The following NUCB2 variants were observed in gnomAD, a reference collection of about 807,000 sequenced individuals.
NUCB2 encodes nucleobindin 2.
In NUCB2, 48 loss-of-function variants were observed where a neutral mutation model predicts 57.9. The ratio of observed to expected loss-of-function variants is 0.83; its 90% CI spans 0.66 to 1.05. NUCB2 has a LOEUF of 1.05. NUCB2 is among the 50% of genes least tolerant of loss of function. The probability of loss-of-function intolerance (pLI) is 0.00; values close to 1 mark genes in which losing one functional copy is unlikely to be tolerated. For missense variants in NUCB2, 442 were observed against 476.2 expected, an observed-to-expected ratio of 0.93 and a Z score of 0.67; for synonymous variants, 139 against 152.1, an observed-to-expected ratio of 0.91 and a Z score of 0.64.
intron 11 of NUCB2, chr11:17,317,559 G>A (rs768308692): frequency 1.9e-5 from 8 of 429,726 alleles, no homozygotes; most frequent in Non-Finnish European, 3.3e-5. Context: ...ATGATACATT[G>A]AATTCAGTTG....
intron 2 of NUCB2, among the ~76,000 whole-genome samples, chr11:17,343,694 A>G (rs1382492857): frequency 6.6e-6 from 1 of 152,182 alleles, no homozygotes; most frequent in Non-Finnish European, 1.5e-5. Flanking sequence ...CATATTTACT[A>G]TGTCCTTTAA....
chr11:17,341,788 G>A (rs915725655), intron 2 of NUCB2, among the ~76,000 whole-genome samples: 2 of 151,998 alleles, frequency 1.3e-5, no homozygotes, highest in African/African-American at 4.8e-5. Flanking sequence ...TTTTTTTGTT[G>A]TGTCTCTGCC....
rs35448937 is a variant in NUCB2, at chr11:17,293,253, CAA to C, written c.1-2053_1-2052del. Among the ~76,000 whole-genome samples the C allele has an allele frequency of 2.6e-3, 273 of 105,016 alleles. 1 individual carries two copies. Among genetic ancestry groups the C allele is most frequent in the South Asian group, 0.016 (53 of 3,336 alleles). The allele number at this position is 105,016 out of a possible 152,430, so 68.9% of individuals were successfully genotyped here. ...TGGGCGATAGAGCAAGACTCTGTCT[CAA>C]AAAAAAAAAAAAAAAAAGATGTTGT... On this transcript the variant is annotated intron_variant, in intron 2 of 13. Coordinates refer to ENST00000529010, the MANE Select transcript of NUCB2 (RefSeq NM_005013.4).
intron 2 of NUCB2, among the ~76,000 whole-genome samples, chr11:17,286,058 T>C (rs1348470414): frequency 2.0e-5 from 3 of 152,120 alleles, no homozygotes; most frequent in African/African-American, 7.2e-5. Flanking sequence ...TTTTGAGACA[T>C]GTTCTCACTC....
intron 2 of NUCB2, among the ~76,000 whole-genome samples, chr11:17,290,450 T>C (rs1216859571): frequency 6.6e-6 from 1 of 152,168 alleles, no homozygotes; most frequent in Non-Finnish European, 1.5e-5. Context: ...AGCTTATGCC[T>C]CTAATCCCAG....
intron 1 of NUCB2, among the ~76,000 whole-genome samples, 164 bp from the exon 2 acceptor site, chr11:17,282,625 G>T (rs1942945745): frequency 6.6e-6 from 1 of 151,858 alleles, no homozygotes; most frequent in African/African-American, 2.4e-5. Context: ...CCTCCTTAAT[G>T]GAATATGATA....
rs1044566766 is a variant in NUCB2 at position 17,312,248 on chromosome 11, T to C, written c.912+128T>C. ...AGTTTGCGTTTTTGTTTTTGTTTTT[T>C]TTTTGAGACAGGGTCTTACTCTGTT... On this transcript the variant is annotated intron_variant, in intron 10 of 13. Transcript: ENST00000529010. The C allele has an allele frequency of 4.3e-5, 26 of 607,276 alleles. No homozygotes were observed. The Middle Eastern group carries it at 1.4e-3, about 33-fold the overall frequency. 37.6% of individuals were successfully genotyped at this position (607,276 alleles called of 1,614,324 possible).
intron 5 of NUCB2, among the ~76,000 whole-genome samples, chr11:17,308,236 G>A (rs905157857): frequency 8.5e-5 from 13 of 152,096 alleles, no homozygotes; most frequent in African/African-American, 3.1e-4. Context: ...GAGGAGCACT[G>A]GTTTTTCTTA....
chr11:17,316,996 C>T (rs942789344), intron 11 of NUCB2, among the ~76,000 whole-genome samples: 8 of 152,044 alleles, frequency 5.3e-5, no homozygotes, highest in East Asian at 1.9e-4. Flanking sequence ...TTTTGTCTAA[C>T]GTTTGAAATG....
At chr11:17,313,409 A>C (rs184213892) in intron 10 of NUCB2, among the ~76,000 whole-genome samples, 1 of 152,174 alleles carries the variant, frequency 6.6e-6, no homozygotes, top group African/African-American at 2.4e-5. Flanking sequence ...GCATACCTAC[A>C]ATCCCAGCTA....
rs145750587 is a variant in NUCB2, at chr11:17,321,894, T to A, written c.1002+6419T>A. On this transcript the variant is annotated intron_variant, in intron 11 of 13. Transcript: ENST00000529010. ...TGCCTGTTTGCCATTTTATGTCTTC[T>A]TTCGAGAAATGTCTACTCAAATCTT... Among the ~76,000 whole-genome samples, 738 of 152,344 alleles carry A rather than the reference T, an allele frequency of 4.8e-3. 16 individuals carry two copies. In the East Asian group the frequency reaches 0.073, roughly 15 times the overall value.
chr11:17,321,202 A>ATTT (rs138165152), intron 11 of NUCB2, among the ~76,000 whole-genome samples: 2 of 143,996 alleles, frequency 1.4e-5, no homozygotes, highest in Non-Finnish European at 3.0e-5. Context: ...TATTCATTCT[A>ATTT]TTTTTTTTTT....
chr11:17,301,879 T>C lies in NUCB2; in HGVS notation c.379+9T>C. The C allele has an allele frequency of 6.2e-7, 1 of 1,602,670 alleles. No homozygotes were observed. Among genetic ancestry groups the C allele is most frequent in the Non-Finnish European group, 8.5e-7 (1 of 1,175,688 alleles). On this transcript the variant is annotated intron_variant, in intron 5 of 13. Coordinates refer to ENST00000529010, the MANE Select transcript of NUCB2 (RefSeq NM_005013.4). ...GTTGGATTCCCTTCAAGGTAAGTGC[T>C]AAACAAAAGGTAGGATTTTTTTTTT... is the stretch of plus-strand genomic sequence containing the variant.
intron 11 of NUCB2, among the ~76,000 whole-genome samples, chr11:17,326,101 A>G (rs1950629731): frequency 6.6e-6 from 1 of 151,796 alleles, no homozygotes; most frequent in Non-Finnish European, 1.5e-5. Context: ...CCTGGGTTCA[A>G]GTGATTCTCA....
Position 17,295,389 on chromosome 11 carries a change from T to A in NUCB2, c.66T>A (p.Leu22=). 2 of 1,613,570 alleles carry A rather than the reference T, an allele frequency of 1.2e-6. No homozygotes were observed. The highest frequency in any genetic ancestry group is 1.7e-6 in the Non-Finnish European group (2 of 1,179,696). Residue 22 remains leucine (L), a synonymous_variant, in exon 3 of 14, where the codon CTT becomes CTA. Coordinates refer to ENST00000529010, the MANE Select transcript of NUCB2 (RefSeq NM_005013.4). ...TGATTACATGTTTACTTACTGCTCT[T>A]GAAGCTGTGCCTATTGACATAGACA... ...FLLITCLLTA[L]EAVPIDIDKT... is the part of the protein sequence containing the mutation.
intron 11 of NUCB2, among the ~76,000 whole-genome samples, chr11:17,321,066 C>A (rs10832759): frequency 1.3e-5 from 2 of 151,878 alleles, no homozygotes; most frequent in Non-Finnish European, 2.9e-5. Flanking sequence ...ATTGGGTATC[C>A]ATCCCCTCAA....
At chr11:17,284,218 A>T (rs552441782) in intron 2 of NUCB2, among the ~76,000 whole-genome samples, 2 of 152,136 alleles carry the variant, frequency 1.3e-5, no homozygotes, top group African/African-American at 4.8e-5. Context: ...GGGTCTCACC[A>T]TGTTGGCCAG....
At chr11:17,303,103 A>G (rs921962573) in intron 5 of NUCB2, among the ~76,000 whole-genome samples, 10 of 152,070 alleles carry the variant, frequency 6.6e-5, no homozygotes, top group African/African-American at 2.2e-4. Flanking sequence ...CTGGTCTCAA[A>G]CTTCTGGCCT....
At chr11:17,315,566 C>T (rs1025509944) in intron 11 of NUCB2, 91 bp downstream of exon 11, 13 of 622,806 alleles carry the variant, frequency 2.1e-5, no homozygotes, top group Admixed American at 6.0e-5. Flanking sequence ...ATTATGTTTG[C>T]ATGTATAGTC....
Sources: allele counts gnomAD v4.1 joint callset (sites outside exome capture counted in the v4.1 genomes callset), GRCh38; gene constraint gnomAD v4.1.1; transcripts MANE v1.5; gene names NCBI Gene and HGNC (gene_info 2026-07-23, HGNC 2026-07-21).